CABLES1: variants seen among roughly 807,000 people sequenced by gnomAD.
CABLES1 encodes the protein Cdk5 and Abl enzyme substrate 1.
A neutral mutation model predicts 57.8 loss-of-function variants in CABLES1; 36 were observed. The ratio of observed to expected loss-of-function variants is 0.62; its 90% CI spans 0.48 to 0.82. CABLES1 has a LOEUF of 0.82. CABLES1 is among the 40% of genes least tolerant of loss of function. The pLI, the probability that CABLES1 is intolerant of heterozygous loss-of-function variation, is 0.00. For synonymous variants in CABLES1, 374 were observed against 363.0 expected (o/e 1.03, Z -0.35); for missense variants, 767 against 836.6 (o/e 0.92, Z 1.03).
chr18:23,221,644 G>A lies in CABLES1; in HGVS notation c.1088+7590G>A, dbSNP rs148528045. Among the ~76,000 whole-genome samples, 578 of 152,290 alleles carry A rather than the reference G, an allele frequency of 3.8e-3. 4 individuals are homozygous for A. The highest frequency in any genetic ancestry group is 0.013 in the African/African-American group (556 of 41,548). ...GAAGTGCTGTTGACGCTGCCATCTG[G>A]GGCCCCCACCTTAGGCTTGCCAGAA... On this transcript the variant is annotated intron_variant, in intron 4 of 9. Transcript: ENST00000256925.
At chr18:23,230,743 C>T (rs1331188689) in intron 4 of CABLES1, among the ~76,000 whole-genome samples, 1 of 152,190 alleles carries the variant, frequency 6.6e-6, no homozygotes, top group East Asian at 1.9e-4. Context: ...AATTGAGACT[C>T]ACTTTTCACT....
chr18:23,159,502 T>C (rs990667291), intron 1 of CABLES1, among the ~76,000 whole-genome samples: 3 of 152,248 alleles, frequency 2.0e-5, no homozygotes, highest in Non-Finnish European at 4.4e-5. Context: ...AACAAGTGTT[T>C]TGTGACATGT....
At chr18:23,138,223 G>A (rs1016571202) in intron 1 of CABLES1, among the ~76,000 whole-genome samples, 2 of 152,130 alleles carry the variant, frequency 1.3e-5, no homozygotes, top group African/African-American at 2.4e-5. Context: ...TACCTCGCAC[G>A]CTTTCTCCAA....
intron 7 of CABLES1, among the ~76,000 whole-genome samples, chr18:23,251,361 G>GGTT (rs1473516361): frequency 1.3e-5 from 2 of 152,188 alleles, no homozygotes; most frequent in African/African-American, 4.8e-5. Flanking sequence ...TGAGGCAGGA[G>GGTT]AATTGCTTAA....
intron 1 of CABLES1, among the ~76,000 whole-genome samples, chr18:23,158,650 T>A (rs532004698): frequency 6.6e-6 from 1 of 152,336 alleles, no homozygotes; most frequent in Non-Finnish European, 1.5e-5. Flanking sequence ...GTGAGCAGAT[T>A]AAACAGACCT....
At chr18:23,237,627 GTGTGCA>G (rs1242778943) in intron 7 of CABLES1, among the ~76,000 whole-genome samples, 1 of 152,260 alleles carries the variant, frequency 6.6e-6, no homozygotes, top group Non-Finnish European at 1.5e-5. Context: ...GCAGGCCTTC[GTGTGCA>G]TGCTGAGCAA....
chr18:23,205,075 A>C (rs1000897480), intron 3 of CABLES1, among the ~76,000 whole-genome samples: 13 of 152,072 alleles, frequency 8.5e-5, no homozygotes, highest in African/African-American at 2.6e-4. Context: ...AACAGTAATT[A>C]TAGCTAGCAG....
chr18:23,231,040 G>A lies in CABLES1; in HGVS notation c.1089-3568G>A, dbSNP rs142032250. 5.8e-3 allele frequency among the ~76,000 whole-genome samples: 888 copies of A among 152,192 alleles called. 5 individuals carry two copies. Among genetic ancestry groups the A allele is most frequent in the African/African-American group, 0.018 (757 of 41,534 alleles). On this transcript the variant is annotated intron_variant, in intron 4 of 9. Transcript: ENST00000256925. ...TGGACCCCATGGTCATTTCCCTTCC[G>A]ACTTAGGAGAATCTTGCACTGCTGC...
intron 1 of CABLES1, among the ~76,000 whole-genome samples, chr18:23,172,274 GT>G (rs1255409932): frequency 6.6e-6 from 1 of 152,084 alleles, no homozygotes; most frequent in Non-Finnish European, 1.5e-5. Flanking sequence ...TGCCCTCCCT[GT>G]TCCTGTCGTT....
At chr18:23,252,532 G>A (rs759802644) in intron 7 of CABLES1, among the ~76,000 whole-genome samples, 2 of 152,178 alleles carry the variant, frequency 1.3e-5, no homozygotes, top group Non-Finnish European at 2.9e-5. Context: ...ACAGACATGG[G>A]ACTTGAGATT....
chr18:23,209,109 C>T (rs2047385314), intron 3 of CABLES1, among the ~76,000 whole-genome samples: 1 of 152,212 alleles, frequency 6.6e-6, no homozygotes, highest in Admixed American at 6.5e-5. Context: ...ATTCCACAAA[C>T]AATTCATAAG....
chr18:23,217,673 A>G (rs1036084426), intron 4 of CABLES1, among the ~76,000 whole-genome samples: 89 of 152,262 alleles, frequency 5.8e-4, no homozygotes, highest in Non-Finnish European at 4.6e-4. Flanking sequence ...ATGTACTAGT[A>G]AGTATATGCT....
At chr18:23,173,076 AAGG>A (rs1435829229) in intron 1 of CABLES1, among the ~76,000 whole-genome samples, 2 of 152,210 alleles carry the variant, frequency 1.3e-5, no homozygotes, top group African/African-American at 2.4e-5. Context: ...TGTGTGCAGT[AAGG>A]AGGTTTCCTT....
At chr18:23,245,059 G>A (rs552604216) in intron 7 of CABLES1, among the ~76,000 whole-genome samples, 2 of 152,194 alleles carry the variant, frequency 1.3e-5, no homozygotes, top group East Asian at 1.9e-4. Flanking sequence ...TTTTTGAGGT[G>A]TGTGTACCTC....
At position 23,135,561 on chromosome 18, in the gene CABLES1, C is replaced by G; in HGVS notation, c.-202C>G. 4 of 167,552 alleles carry G rather than the reference C, an allele frequency of 2.4e-5. No individual in the cohort carries two copies. Among genetic ancestry groups the G allele is most frequent in the Non-Finnish European group, 4.8e-5 (4 of 82,944 alleles). The allele number at this position is 167,552 out of a possible 1,614,324, so 10.4% of individuals were successfully genotyped here. A position where few individuals can be genotyped will look rare whatever the true frequency, so the allele number is the denominator to read the frequency against. On this transcript the variant is annotated 5_prime_UTR_variant, in exon 1 of 10. Transcript: ENST00000256925. ...GCCGAGCTAGGTAGCGAGGCGTGCG[C>G]GTGGGCCGGGGCGGCGGCGCCCCCA...
chr18:23,182,160 G>A (rs189734999), intron 1 of CABLES1, among the ~76,000 whole-genome samples: 262 of 152,328 alleles, frequency 1.7e-3, no homozygotes, highest in Middle Eastern at 3.4e-3. Context: ...TGCTCTCAGA[G>A]AACACAGAAC....
intron 7 of CABLES1, among the ~76,000 whole-genome samples, chr18:23,251,224 AG>A (rs1280075646): frequency 6.6e-6 from 1 of 152,224 alleles, no homozygotes; most frequent in Non-Finnish European, 1.5e-5. Flanking sequence ...AGGCAGAGGC[AG>A]GTGGATCACC....
At chr18:23,188,096 C>G (rs4800457) in intron 1 of CABLES1, among the ~76,000 whole-genome samples, 21,471 of 152,192 alleles carry the variant, frequency 0.14, 2,160 homozygotes, top group Admixed American at 0.27. Context: ...TTTATGTAAA[C>G]TTACCACCAC....
chr18:23,222,902 G>A (rs538315292), intron 4 of CABLES1, among the ~76,000 whole-genome samples: 80 of 152,212 alleles, frequency 5.3e-4, no homozygotes, highest in Non-Finnish European at 1.0e-3. Context: ...AGGGCGTCGA[G>A]CTGCACCCAG....
Sources: gnomAD v4.1 joint callset for allele counts (sites outside exome capture counted in the v4.1 genomes callset) on GRCh38, gnomAD v4.1.1 for gene constraint, MANE v1.5 for transcripts, NCBI Gene and HGNC (gene_info 2026-07-23, HGNC 2026-07-21) for gene names.